Variants in PI4KA observed in about 807,000 individuals in gnomAD.
PI4KA encodes the protein phosphatidylinositol 4-kinase alpha.
Under a neutral mutation model 271.4 loss-of-function variants are expected in PI4KA, and 122 were observed. The observed-to-expected ratio is 0.45, with a 90% confidence interval of 0.39 to 0.52. The LOEUF is 0.52. PI4KA is among the 20% of genes least tolerant of loss of function. The probability of loss-of-function intolerance (pLI) is 0.00; values close to 1 mark genes in which losing one functional copy is unlikely to be tolerated. For missense variants in PI4KA, 1,969 were observed against 2,769.1 expected, an observed-to-expected ratio of 0.71 and a Z score of 6.48; for synonymous variants, 1,041 against 1,078.8, an observed-to-expected ratio of 0.96 and a Z score of 0.69.
chr22:20,720,984 G>A (rs529522652), intron 43 of PI4KA, among the ~76,000 whole-genome samples: 12 of 152,286 alleles, frequency 7.9e-5, no homozygotes, highest in African/African-American at 1.4e-4. Flanking sequence ...CTGGGCTGAC[G>A]GCCCCTTCCT....
At chr22:20,841,333 T>A (rs752760253) in intron 1 of PI4KA, among the ~76,000 whole-genome samples, 1 of 152,146 alleles carries the variant, frequency 6.6e-6, no homozygotes. Context: ...CCCCACCCAG[T>A]AGAAAGAACT....
At chr22:20,848,275 A>G (rs1319099722) in intron 1 of PI4KA, among the ~76,000 whole-genome samples, 1 of 151,922 alleles carries the variant, frequency 6.6e-6, no homozygotes, top group Admixed American at 6.6e-5. Flanking sequence ...CAATATAGCA[A>G]TACAGTCCAA....
At chr22:20,841,997 C>T (rs1925611022) in intron 1 of PI4KA, among the ~76,000 whole-genome samples, 1 of 152,056 alleles carries the variant, frequency 6.6e-6, no homozygotes, top group South Asian at 2.1e-4. Flanking sequence ...GGGTGGATCA[C>T]CTGAGGTTAG....
At chr22:20,849,753 C>CT (rs1926726681) in intron 1 of PI4KA, among the ~76,000 whole-genome samples, 2 of 152,082 alleles carry the variant, frequency 1.3e-5, no homozygotes, top group Admixed American at 1.3e-4. Flanking sequence ...ACTCGGGAGT[C>CT]TGAGGCAGAA....
intron 7 of PI4KA, among the ~76,000 whole-genome samples, chr22:20,816,121 G>T (rs1921778675): frequency 6.6e-6 from 1 of 151,996 alleles, no homozygotes; most frequent in African/African-American, 2.4e-5. Flanking sequence ...TGTATTTTTA[G>T]TAGAGATCGG....
intron 1 of PI4KA, among the ~76,000 whole-genome samples, chr22:20,847,266 G>T (rs755564561): frequency 4.0e-5 from 6 of 151,844 alleles, no homozygotes; most frequent in African/African-American, 4.8e-5. Context: ...TCCTGCACAT[G>T]AACCTAAAAT....
rs774696201 is a variant in PI4KA, at chr22:20,819,920, C to T, written c.530-20G>A. 6.2e-6 allele frequency: 10 copies of T among 1,604,352 alleles called. No homozygotes were observed. Among genetic ancestry groups the T allele is most frequent in the Middle Eastern group, 1.7e-4 (1 of 6,034 alleles). On this transcript the variant is annotated intron_variant, in intron 5 of 54. Transcript: ENST00000255882. ...GGTATTCTAGAAGATCAAGTGAAAA[C>T]GTTACAATATAAGAAAGTATCCTGA...
chr22:20,855,673 AG>A (rs1421122103), intron 1 of PI4KA, among the ~76,000 whole-genome samples: 1 of 152,232 alleles, frequency 6.6e-6, no homozygotes, highest in African/African-American at 2.4e-5. Flanking sequence ...TCCTTGCTAC[AG>A]CAGCAAAATA....
intron 22 of PI4KA, among the ~76,000 whole-genome samples, chr22:20,763,016 T>TTGGGG (rs1555888529): frequency 7.1e-5 from 1 of 14,182 alleles, no homozygotes; most frequent in African/African-American, 3.8e-4. Context: ...GCTTTTTTTT[T>TTGGGG]TGGGGGGGGG....
At chr22:20,747,443 A>G (rs1930238306) in intron 29 of PI4KA, 140 bp downstream of exon 29, 1 of 788,974 alleles carries the variant, frequency 1.3e-6, no homozygotes. Flanking sequence ...TTGCACCACT[A>G]CCATTGTCAA....
intron 32 of PI4KA, among the ~76,000 whole-genome samples, chr22:20,737,214 G>C (rs1928835238): frequency 6.6e-6 from 1 of 152,196 alleles, no homozygotes; most frequent in Non-Finnish European, 1.5e-5. Context: ...CTGAGCTCAA[G>C]AAGGTCCCTT....
chr22:20,833,657 GTTT>G (rs361962), intron 3 of PI4KA, among the ~76,000 whole-genome samples: 61 of 73,048 alleles, frequency 8.4e-4, no homozygotes, highest in East Asian at 8.3e-3. Context: ...GTTTGTTTTT[GTTT>G]TTTTTTTTTT....
At chr22:20,783,164 A>T (rs1413365441) in intron 19 of PI4KA, among the ~76,000 whole-genome samples, 1 of 152,198 alleles carries the variant, frequency 6.6e-6, no homozygotes, top group East Asian at 1.9e-4. Flanking sequence ...CACATCTTAG[A>T]GCTAACATAG....
chr22:20,731,385 T>C (rs1003063762), intron 36 of PI4KA, among the ~76,000 whole-genome samples: 1 of 152,178 alleles, frequency 6.6e-6, no homozygotes, highest in South Asian at 2.1e-4. Context: ...TGCTTTTTTC[T>C]TTCCTTTTCC....
At chr22:20,858,178 G>A (rs1244177500) in intron 1 of PI4KA, among the ~76,000 whole-genome samples, 4 of 152,170 alleles carry the variant, frequency 2.6e-5, no homozygotes, top group Admixed American at 2.6e-4. Context: ...TAAAAAGCAG[G>A]TGAAATCGGA....
At chr22:20,858,008 GC>G (rs996607670) in intron 1 of PI4KA, among the ~76,000 whole-genome samples, 1 of 151,948 alleles carries the variant, frequency 6.6e-6, no homozygotes, top group African/African-American at 2.4e-5. Context: ...CCAACCTAAC[GC>G]CCCCAGCCTC....
intron 1 of PI4KA, among the ~76,000 whole-genome samples, chr22:20,846,718 C>A (rs753051425): frequency 6.6e-6 from 1 of 150,858 alleles, no homozygotes; most frequent in Non-Finnish European, 1.5e-5. Context: ...GGGCAAGCGT[C>A]TGTAGTCCCA....
At chr22:20,795,237 G>T (rs1934911041) in intron 18 of PI4KA, among the ~76,000 whole-genome samples, 1 of 149,796 alleles carries the variant, frequency 6.7e-6, no homozygotes, top group Admixed American at 6.6e-5. Flanking sequence ...TCAGTACCAA[G>T]TGTTATCAAC....
chr22:20,807,309 G>T, intron 10 of PI4KA, 53 bp downstream of exon 10: 3 of 1,131,756 alleles, frequency 2.7e-6, no homozygotes, highest in Non-Finnish European at 4.0e-6. Context: ...TGCGACAGTG[G>T]CCTGGGAGCC....
Sources: gnomAD v4.1 joint callset for allele counts (sites outside exome capture counted in the v4.1 genomes callset) on GRCh38, gnomAD v4.1.1 for gene constraint, MANE v1.5 for transcripts, NCBI Gene and HGNC (gene_info 2026-07-23, HGNC 2026-07-21) for gene names.